CCT5: variants seen among roughly 807,000 people sequenced by gnomAD.
CCT5 encodes T-complex protein 1 subunit epsilon.
In CCT5, 6 loss-of-function variants were observed where a neutral mutation model predicts 55.0. That is an observed-to-expected ratio of 0.11 (90% CI 0.06 to 0.22). CCT5 has a LOEUF of 0.22. Ranked by LOEUF, CCT5 falls within the 10% of genes least tolerant of loss-of-function variation. The pLI is 1.00. For missense variants in CCT5, 560 were observed against 694.6 expected, an observed-to-expected ratio of 0.81 and a Z score of 2.18; for synonymous variants, 231 against 243.7, an observed-to-expected ratio of 0.95 and a Z score of 0.49.
In CCT5 at chr5:10,254,828, A is replaced by G. The variant is rs1291498624; in HGVS notation, c.321A>G (p.Thr107=). The change falls in exon 3 of 11, where the codon ACA becomes ACG. Residue 107 remains threonine, a synonymous_variant. Transcript: ENST00000280326. ...SQDDEIGDGT[T]GVVVLAGALL... is the part of the protein sequence containing the mutation. ...ATGATGAAATTGGAGATGGAACCAC[A>G]GGAGTGGTTGGTAAGAAAAGACAAA... The G allele has an allele frequency of 6.2e-7, 1 of 1,613,512 alleles. No homozygotes were observed. Among genetic ancestry groups the G allele is most frequent in the Non-Finnish European group, 8.5e-7 (1 of 1,179,366 alleles).
chr5:10,250,777 G>A, intron 1 of CCT5: 3 of 1,200,306 alleles, frequency 2.5e-6, no homozygotes, highest in Non-Finnish European at 3.1e-6. Flanking sequence ...GTGGGACTGC[G>A]CTCCAGTGGG....
At chr5:10,250,787 G>C in intron 1 of CCT5, 1 of 1,182,316 alleles carries the variant, frequency 8.5e-7, no homozygotes. Context: ...GCTCCAGTGG[G>C]AGGGCGCCGG....
Position 10,255,690 on chromosome 5 carries a change from C to G in CCT5, c.332-265C>G, listed in dbSNP as rs1436036274. ...GCTTTTTACCTCTTAGAAAAATGTTCTTTTTACATTATATTCTTTAGTTAC... is the reference window on the plus strand; with the variant it reads ...GCTTTTTACCTCTTAGAAAAATGTTGTTTTTACATTATATTCTTTAGTTAC... On this transcript the variant is annotated intron_variant, in intron 3 of 10. Transcript: ENST00000280326. Among the ~76,000 whole-genome samples the G allele has an allele frequency of 3.9e-5, 6 of 152,070 alleles. No homozygotes were observed. In the South Asian group the frequency reaches 1.2e-3, roughly 32 times the overall value.
chr5:10,251,973 G>A (rs1263404038), intron 1 of CCT5, among the ~76,000 whole-genome samples: 1 of 152,196 alleles, frequency 6.6e-6, no homozygotes, highest in East Asian at 1.9e-4. Context: ...GGGGACTTGG[G>A]CCCAGAGCAG....
chr5:10,250,636 C>G, intron 1 of CCT5, 191 bp downstream of exon 1: 1 of 1,427,676 alleles, frequency 7.0e-7, no homozygotes, highest in East Asian at 2.5e-5. Flanking sequence ...TAATCCTGGG[C>G]TCGGAATGTG....
chr5:10,249,929 A>AAAAC (rs1561039973), upstream of CCT5: 25 of 831,346 alleles, frequency 3.0e-5, no homozygotes, highest in African/African-American at 1.8e-4. Flanking sequence ...AAAAAAAAAA[A>AAAAC]AAAAACCGGA....
Position 10,264,605 on chromosome 5 carries a change from A to T in CCT5, c.1499-51A>T, listed in dbSNP as rs754616084. ...CTAAATCAGAAAGAGTTGGTTATTGATAGTTTATTGTATGCTATTTTAGGA... is the reference window on the plus strand; with the variant it reads ...CTAAATCAGAAAGAGTTGGTTATTGTTAGTTTATTGTATGCTATTTTAGGA... On this transcript the variant is annotated intron_variant, in intron 10 of 10. Transcript: ENST00000280326. 8 of 1,185,464 alleles carry T rather than the reference A, an allele frequency of 6.7e-6. No individual in the cohort carries two copies. The East Asian group carries it at 1.6e-4, about 24-fold the overall frequency. The allele number at this position is 1,185,464 out of a possible 1,614,324, so 73.4% of individuals were successfully genotyped here. A position where few individuals can be genotyped will look rare whatever the true frequency, so the allele number is the denominator to read the frequency against.
chr5:10,251,129 T>TG (rs1745380853), intron 1 of CCT5, among the ~76,000 whole-genome samples: 1 of 152,172 alleles, frequency 6.6e-6, no homozygotes, highest in East Asian at 1.9e-4. Flanking sequence ...TGGGCAAGAA[T>TG]GCGCATGGCA....
chr5:10,260,604 T>C (rs1745911252), intron 6 of CCT5, among the ~76,000 whole-genome samples, 188 bp from the exon 7 acceptor site: 1 of 152,232 alleles, frequency 6.6e-6, no homozygotes, highest in African/African-American at 2.4e-5. Flanking sequence ...TGATAAAATA[T>C]TCACTATTTA....
intron 1 of CCT5, among the ~76,000 whole-genome samples, chr5:10,252,614 C>A (rs1269275577): frequency 0.016 from 1,885 of 119,420 alleles, no homozygotes; most frequent in Non-Finnish European, 0.017. Flanking sequence ...GACTCCGTCT[C>A]AAAAAAAAAA....
intron 1 of CCT5, among the ~76,000 whole-genome samples, chr5:10,252,153 G>C (rs980582823): frequency 6.6e-6 from 1 of 152,148 alleles, no homozygotes; most frequent in Non-Finnish European, 1.5e-5. Context: ...CAGTAACCTG[G>C]GTGTTTAAGT....
At chr5:10,257,613 A>G (rs190835156) in intron 4 of CCT5, among the ~76,000 whole-genome samples, 79 of 152,336 alleles carry the variant, frequency 5.2e-4, no homozygotes, top group Non-Finnish European at 3.5e-4. Flanking sequence ...CCCTCCATCT[A>G]TAATGGATGT....
Position 10,250,461 on chromosome 5 carries a change from C to G in CCT5, c.105+16C>G. On this transcript the variant is annotated intron_variant, in intron 1 of 10. Transcript: ENST00000280326. Reference sequence around the variant, plus strand: ...GGCCCTCAAGGTAATGGCACAGGGACCTGCTCGCGGTGGGCTAAGGGGAGG... The same window carrying G: ...GGCCCTCAAGGTAATGGCACAGGGAGCTGCTCGCGGTGGGCTAAGGGGAGG... 1 of 1,612,064 alleles carries G rather than the reference C, an allele frequency of 6.2e-7. No homozygotes were observed. Among genetic ancestry groups the G allele is most frequent in the African/African-American group, 1.3e-5 (1 of 75,000 alleles).
In CCT5 at chr5:10,264,991, A is replaced by T; in HGVS notation, c.*208A>T. On this transcript the variant is annotated 3_prime_UTR_variant, in exon 11 of 11. Transcript: ENST00000280326. ...TCTCAACTGCTTTTGTATTCATTGT[A>T]TTAAAAGAATCTGTTTAAACAACCT... The T allele has an allele frequency of 5.3e-6, 3 of 570,126 alleles. No homozygotes were observed. The highest frequency in any genetic ancestry group is 6.7e-5 in the Admixed American group (2 of 29,936). 35.3% of individuals were successfully genotyped at this position (570,126 alleles called of 1,614,324 possible).
chr5:10,250,780 C>T (rs1223144745), intron 1 of CCT5: 12 of 1,195,130 alleles, frequency 1.0e-5, no homozygotes, highest in Admixed American at 4.3e-5. Context: ...GGACTGCGCT[C>T]CAGTGGGAGG....
rs766376854 is a variant in CCT5, at chr5:10,264,682, A to T, written c.1525A>T (p.Thr509Ser). The T allele has an allele frequency of 6.2e-7, 1 of 1,613,578 alleles. No individual in the cohort carries two copies. Among genetic ancestry groups the T allele is most frequent in the South Asian group, 1.1e-5 (1 of 91,074 alleles). The change falls in exon 11 of 11, where the codon ACC becomes TCC. Residue 509 changes from threonine (T) to serine (S), a missense_variant. By Grantham distance (58) the Thr-to-Ser change is moderately conservative (BLOSUM62 1). Transcript: ENST00000280326. ...TATGAAGCAACAGCATGTCATAGAAACCTTGATTGGCAAAAAGCAACAGAT... is the reference window on the plus strand; with the variant it reads ...TATGAAGCAACAGCATGTCATAGAATCCTTGATTGGCAAAAAGCAACAGAT... ...NDMKQQHVIE[T>S]LIGKKQQISL...
intron 8 of CCT5, chr5:10,262,264 A>T: frequency 1.8e-6 from 1 of 566,538 alleles, no homozygotes. Flanking sequence ...CTCTTGCTTG[A>T]CCGTGTATCC....
rs749803088 is a variant in CCT5, at chr5:10,250,288, G to A, written c.-53G>A. The A allele has an allele frequency of 1.2e-6, 2 of 1,612,764 alleles. No homozygotes were observed. The highest frequency in any genetic ancestry group is 1.1e-5 in the South Asian group (1 of 90,944). On this transcript the variant is annotated 5_prime_UTR_variant, in exon 1 of 11. Transcript: ENST00000280326. ...TCCCGAGAAAGGGAAGTGCATTCTC[G>A]CTTCCGTAGCGGTCTCCGCCGGTTG...
At chr5:10,259,330 G>A (rs1745841395) in intron 6 of CCT5, among the ~76,000 whole-genome samples, 1 of 152,204 alleles carries the variant, frequency 6.6e-6, no homozygotes, top group Non-Finnish European at 1.5e-5. Context: ...AGACAGGAAC[G>A]TGGGTTGGTT....
Sources: gnomAD v4.1 joint callset for allele counts (sites outside exome capture counted in the v4.1 genomes callset) on GRCh38, gnomAD v4.1.1 for gene constraint, MANE v1.5 for transcripts, NCBI Gene and HGNC (gene_info 2026-07-23, HGNC 2026-07-21) for gene names.